IFT88: variants seen among roughly 807,000 people sequenced by gnomAD.
IFT88 encodes intraflagellar transport protein 88 homolog.
A neutral mutation model predicts 119.5 loss-of-function variants in IFT88; 74 were observed. The ratio of observed to expected loss-of-function variants is 0.62; its 90% confidence interval spans 0.51 to 0.75. The LOEUF (loss-of-function observed/expected upper bound fraction) is 0.75. Among genes scored for constraint, IFT88 ranks in the 30% least tolerant of loss-of-function variants. IFT88 has a pLI of 0.00. For synonymous variants in IFT88, 279 were observed against 316.7 expected (o/e 0.88, Z 1.26); for missense variants, 961 against 977.7 (o/e 0.98, Z 0.23).
At chr13:20,602,762 A>C (rs753157187) in intron 12 of IFT88, among the ~76,000 whole-genome samples, 7 of 152,060 alleles carry the variant, frequency 4.6e-5, no homozygotes, top group Non-Finnish European at 8.8e-5. Flanking sequence ...GGGCGCCTGT[A>C]ATCCCAGCTA....
chr13:20,590,956 C>A lies in IFT88; in HGVS notation c.211-11C>A. 6.3e-7 allele frequency: 1 copy of A among 1,592,828 alleles called. No individual in the cohort carries two copies. Among genetic ancestry groups the A allele is most frequent in the South Asian group, 1.1e-5 (1 of 88,570 alleles). ...TAGGAATCTTTTTAACTTAACTTTT[C>A]TGTTTACTAGTCCAAGACATCTCTG... On this transcript the variant is annotated splice_polypyrimidine_tract_variant and intron_variant, in intron 4 of 25. Transcript: ENST00000351808.
chr13:20,616,384 A>G (rs1192001823), intron 14 of IFT88, among the ~76,000 whole-genome samples: 1 of 152,266 alleles, frequency 6.6e-6, no homozygotes, highest in East Asian at 1.9e-4. Flanking sequence ...CTGCACAGGC[A>G]TGACATTTTA....
chr13:20,645,151 G>A (rs1436007772), intron 20 of IFT88, among the ~76,000 whole-genome samples, 193 bp downstream of exon 20: 1 of 152,156 alleles, frequency 6.6e-6, no homozygotes, highest in Non-Finnish European at 1.5e-5. Context: ...GTGCAATGGC[G>A]TGATCTCGGC....
intron 20 of IFT88, 34 bp from the exon 21 acceptor site, chr13:20,653,842 A>T: frequency 1.3e-4 from 117 of 921,276 alleles, no homozygotes; most frequent in Non-Finnish European, 1.8e-4. Context: ...AGATTTTTTT[A>T]TCTCTAATTT....
chr13:20,616,704 C>T (rs117921552), intron 14 of IFT88, among the ~76,000 whole-genome samples: 1,560 of 152,252 alleles, frequency 0.01, 12 homozygotes, highest in Middle Eastern at 0.017. Context: ...AAACCAGTAA[C>T]ATAATTGTTT....
At chr13:20,668,602 A>G (rs1031264951) in intron 23 of IFT88, among the ~76,000 whole-genome samples, 1 of 152,124 alleles carries the variant, frequency 6.6e-6, no homozygotes, top group African/African-American at 2.4e-5. Flanking sequence ...ATTCAGTTGG[A>G]AAAAAACACC....
chr13:20,573,863 A>G (rs988367218), intron 1 of IFT88, among the ~76,000 whole-genome samples: 4 of 152,190 alleles, frequency 2.6e-5, no homozygotes, highest in African/African-American at 9.7e-5. Context: ...AGTGCCTGTC[A>G]CTGTTCTTTC....
intron 12 of IFT88, among the ~76,000 whole-genome samples, chr13:20,602,427 A>G (rs1182111161): frequency 6.6e-6 from 1 of 151,018 alleles, no homozygotes; most frequent in East Asian, 2.0e-4. Flanking sequence ...CTGGTCTTGA[A>G]CTCCTGGCCT....
At chr13:20,653,262 A>G (rs758290472) in intron 20 of IFT88, among the ~76,000 whole-genome samples, 4 of 152,324 alleles carry the variant, frequency 2.6e-5, no homozygotes, top group Admixed American at 6.5e-5. Flanking sequence ...CTTTGAAGCC[A>G]TCAGGCTTCT....
rs964369430 is a variant in IFT88, at chr13:20,663,530, C to G, written c.2101C>G (p.Leu701Val). ...TTTCTTAGTTCGTCTCTGCACAGAT[C>G]TTGGATTAAAAGATGCTCAAGAATA... ...LRFLVRLCTD[L>V]GLKDAQEYAR... Residue 701 changes from leucine (L) to valine (V), a missense_variant, in exon 23 of 26, where the codon CTT (leucine) becomes GTT (valine). By Grantham distance (32) the Leu-to-Val change is conservative (BLOSUM62 1). Transcript: ENST00000351808. 4 of 1,613,716 alleles carry G rather than the reference C, an allele frequency of 2.5e-6. No homozygotes were observed. The highest frequency in any genetic ancestry group is 3.4e-6 in the Non-Finnish European group (4 of 1,179,924).
chr13:20,671,898 T>A (rs1397101690), intron 24 of IFT88, among the ~76,000 whole-genome samples: 1 of 152,178 alleles, frequency 6.6e-6, no homozygotes, highest in African/African-American at 2.4e-5. Context: ...CAAAGACAAA[T>A]GTAGCTCTTA....
intron 20 of IFT88, among the ~76,000 whole-genome samples, chr13:20,646,459 C>T (rs931035939): frequency 2.4e-5 from 3 of 122,958 alleles, no homozygotes; most frequent in Non-Finnish European, 5.1e-5. Context: ...CATGCCACTG[C>T]ACCCGGCTAA....
intron 16 of IFT88, among the ~76,000 whole-genome samples, chr13:20,634,748 A>AG (rs1201610865): frequency 6.6e-6 from 1 of 150,774 alleles, no homozygotes; most frequent in Non-Finnish European, 1.5e-5. Flanking sequence ...AAAAAAAAAA[A>AG]GAAGAAATGG....
chr13:20,636,941 A>G (rs552419003), intron 16 of IFT88, among the ~76,000 whole-genome samples: 3 of 152,388 alleles, frequency 2.0e-5, no homozygotes, highest in Non-Finnish European at 4.4e-5. Context: ...GTCTACCCAT[A>G]CAGCGGGACA....
At chr13:20,578,269 G>A (rs564433225) in intron 2 of IFT88, among the ~76,000 whole-genome samples, 1 of 150,196 alleles carries the variant, frequency 6.7e-6, no homozygotes, top group South Asian at 2.1e-4. Context: ...GGATGGTCTC[G>A]ATCTCCTGAC....
At chr13:20,611,064 C>G (rs1447931304) in intron 13 of IFT88, among the ~76,000 whole-genome samples, 1 of 151,540 alleles carries the variant, frequency 6.6e-6, no homozygotes, top group Non-Finnish European at 1.5e-5. Flanking sequence ...TGCACACCAG[C>G]CTGGGTGACA....
intron 6 of IFT88, 104 bp downstream of exon 6, chr13:20,591,785 C>A: frequency 1.3e-6 from 1 of 748,746 alleles, no homozygotes; most frequent in South Asian, 1.8e-5. Context: ...CTAACAATGC[C>A]ATTGATTATA....
chr13:20,607,534 T>G (rs897680885), intron 13 of IFT88: 11 of 705,524 alleles, frequency 1.6e-5, no homozygotes, highest in Non-Finnish European at 2.6e-5. Flanking sequence ...ACGCTGTGCT[T>G]CTTGTTTCAG....
At chr13:20,572,436 C>T (rs994437708) in intron 1 of IFT88, among the ~76,000 whole-genome samples, 2 of 152,080 alleles carry the variant, frequency 1.3e-5, no homozygotes, top group Non-Finnish European at 2.9e-5. Flanking sequence ...CCAAGCTGGT[C>T]TCAAACTCCT....
Sources: gnomAD v4.1 joint callset for allele counts (sites outside exome capture counted in the v4.1 genomes callset) on GRCh38, gnomAD v4.1.1 for gene constraint, MANE v1.5 for transcripts, NCBI Gene and HGNC (gene_info 2026-07-23, HGNC 2026-07-21) for gene names.